Variants in ANK3 observed in about 807,000 individuals in gnomAD.
The protein encoded by ANK3 is ankyrin-3.
Under a neutral mutation model 370.9 loss-of-function variants are expected in ANK3, and 57 were observed. The observed-to-expected ratio is 0.15, with a 90% CI of 0.12 to 0.19. The LOEUF (loss-of-function observed/expected upper bound fraction) is 0.19. ANK3 is among the 10% of genes least tolerant of loss of function. The pLI, the probability that ANK3 is intolerant of heterozygous loss-of-function variation, is 1.00. For synonymous variants in ANK3, 1,929 were observed against 1,946.3 expected (o/e 0.99, Z 0.23); for missense variants, 4,439 against 5,302.1 (o/e 0.84, Z 5.06).
intron 1 of ANK3, among the ~76,000 whole-genome samples, chr10:60,382,089 G>T (rs755238705): frequency 6.6e-6 from 1 of 152,038 alleles, no homozygotes; most frequent in South Asian, 2.1e-4. Flanking sequence ...CATCTGATTG[G>T]TTCCAAGACA....
Position 60,071,485 on chromosome 10 carries a change from A to G in ANK3, c.9396T>C (p.Phe3132=). The G allele has an allele frequency of 6.2e-7, 1 of 1,613,870 alleles. No individual in the cohort carries two copies. Among genetic ancestry groups the G allele is most frequent in the Non-Finnish European group, 8.5e-7 (1 of 1,179,922 alleles). The change falls in exon 37 of 44, where the codon TTT becomes TTC. Residue 3132 remains phenylalanine, a synonymous_variant. Coordinates refer to ENST00000280772, the MANE Select transcript of ANK3 (RefSeq NM_020987.5). ...GTTGCTTTTGCTGTCTAGTTGTATA[A>G]AAGGTCCCCCTGGTTTCTTGTACTG... ...CKTVQETRGT[F]YTTRQQKQPP...
At chr10:60,467,637 T>C (rs1572842) in intron 2 of ANK3, among the ~76,000 whole-genome samples, 60,197 of 152,060 alleles carry the variant, frequency 0.4, 12,331 homozygotes, top group Non-Finnish European at 0.45. Flanking sequence ...TAAAATACAT[T>C]CTTTTTTTAT....
intron 18 of ANK3, among the ~76,000 whole-genome samples, chr10:60,179,470 G>A (rs1268433006): frequency 6.6e-6 from 1 of 152,166 alleles, no homozygotes; most frequent in African/African-American, 2.4e-5. Flanking sequence ...CAAGGCAGAT[G>A]GATCACCTGA....
chr10:60,569,260 G>A (rs945364083), intron 2 of ANK3, among the ~76,000 whole-genome samples: 4 of 152,210 alleles, frequency 2.6e-5, no homozygotes, highest in African/African-American at 7.2e-5. Flanking sequence ...TGACCACTTC[G>A]AGGTTAGGTG....
intron 2 of ANK3, among the ~76,000 whole-genome samples, chr10:60,456,636 A>G (rs1203684453): frequency 2.0e-5 from 3 of 152,106 alleles, no homozygotes; most frequent in Non-Finnish European, 4.4e-5. Context: ...AGGCACTGTG[A>G]TCATCAATAG....
chr10:60,373,880 A>G (rs774574195), intron 1 of ANK3, among the ~76,000 whole-genome samples: 13 of 152,140 alleles, frequency 8.5e-5, no homozygotes, highest in Non-Finnish European at 1.8e-4. Flanking sequence ...CCCCAGATGA[A>G]CCTGATGAAG....
intron 9 of ANK3, among the ~76,000 whole-genome samples, chr10:60,211,892 C>CAAA (rs72238553): frequency 2.2e-4 from 21 of 93,378 alleles, no homozygotes; most frequent in African/African-American, 1.0e-3. Flanking sequence ...AATACAGAGC[C>CAAA]AAAAAAAAAA....
Position 60,448,035 on chromosome 10 carries a change from C to A in ANK3, c.96+167151G>T, listed in dbSNP as rs10218894. On this transcript the variant is annotated intron_variant, in intron 2 of 43. Coordinates refer to the ANK3 transcript ENST00000373827. ...CCCTGCCAGAGGGAATCCTTTCTGA[C>A]ATCCTTTGCAAAGCCCATTCATTCA... Among the ~76,000 whole-genome samples, 412 of 152,298 alleles carry A rather than the reference C, an allele frequency of 2.7e-3. 3 individuals carry two copies. Among genetic ancestry groups the A allele is most frequent in the African/African-American group, 9.1e-3 (378 of 41,564 alleles).
chr10:60,186,919 A>G lies in ANK3; in HGVS notation c.1888-7T>C, dbSNP rs1455396612. The G allele has an allele frequency of 1.2e-6, 2 of 1,613,868 alleles. No homozygotes were observed. The highest frequency in any genetic ancestry group is 3.3e-5 in the Admixed American group (2 of 60,012). On this transcript the variant is annotated splice_polypyrimidine_tract_variant and splice_region_variant and intron_variant, in intron 16 of 43. Transcript: ENST00000280772. ...GCAGTGGCGTATAACCATTCTGTCA[A>G]CACAAATCACTTGGTCACATGCCCA...
At chr10:60,036,868 T>G (rs1321913131) in intron 43 of ANK3, among the ~76,000 whole-genome samples, 1 of 152,214 alleles carries the variant, frequency 6.6e-6, no homozygotes, top group African/African-American at 2.4e-5. Flanking sequence ...TCTTTTGTGA[T>G]GATTCCCACA....
At chr10:60,241,889 G>A (rs1315606943) in intron 7 of ANK3, among the ~76,000 whole-genome samples, 1 of 152,102 alleles carries the variant, frequency 6.6e-6, no homozygotes, top group Non-Finnish European at 1.5e-5. Flanking sequence ...AAGCATTAAT[G>A]AGACCTGGAT....
intron 1 of ANK3, among the ~76,000 whole-genome samples, chr10:60,290,398 A>G (rs1306664275): frequency 3.0e-5 from 3 of 100,932 alleles, no homozygotes; most frequent in Non-Finnish European, 4.6e-5. Flanking sequence ...TTAAGCTTTT[A>G]TTCTTTTTTT....
intron 1 of ANK3, among the ~76,000 whole-genome samples, chr10:60,671,022 A>G (rs1285172586): frequency 1.3e-5 from 2 of 152,208 alleles, no homozygotes; most frequent in Non-Finnish European, 2.9e-5. Flanking sequence ...ATAAATAAGT[A>G]AATCAATAGG....
chr10:60,415,862 T>C (rs960574728), intron 2 of ANK3, among the ~76,000 whole-genome samples: 1 of 148,664 alleles, frequency 6.7e-6, no homozygotes, highest in Non-Finnish European at 1.5e-5. Flanking sequence ...ACATATGGCA[T>C]TGGTAAAAGC....
At chr10:60,518,342 A>C (rs2076271526) in intron 2 of ANK3, among the ~76,000 whole-genome samples, 1 of 152,064 alleles carries the variant, frequency 6.6e-6, no homozygotes, top group Admixed American at 6.6e-5. Context: ...GCAGGCCTAT[A>C]CTGTTGCTGC....
At chr10:60,346,729 A>G (rs928351506) in intron 1 of ANK3, among the ~76,000 whole-genome samples, 1 of 152,104 alleles carries the variant, frequency 6.6e-6, no homozygotes, top group African/African-American at 2.4e-5. Flanking sequence ...ACAAAAGTAC[A>G]CACACAGAGT....
chr10:60,379,888 A>G (rs1328239804), intron 1 of ANK3, among the ~76,000 whole-genome samples: 1 of 152,092 alleles, frequency 6.6e-6, no homozygotes, highest in East Asian at 1.9e-4. Flanking sequence ...CAAAAAAATA[A>G]ATGTTTGAGA....
chr10:60,420,899 C>T (rs2063764474), intron 2 of ANK3, among the ~76,000 whole-genome samples: 1 of 152,094 alleles, frequency 6.6e-6, no homozygotes, highest in Non-Finnish European at 1.5e-5. Context: ...CAGATACTTA[C>T]TTGTGAAATA....
chr10:60,645,319 T>C (rs1373594552), intron 1 of ANK3, among the ~76,000 whole-genome samples: 2 of 152,220 alleles, frequency 1.3e-5, no homozygotes, highest in Non-Finnish European at 2.9e-5. Flanking sequence ...CACTTGTTAT[T>C]CTAAAAATTG....
Sources: gnomAD v4.1 joint callset for allele counts (sites outside exome capture counted in the v4.1 genomes callset) on GRCh38, gnomAD v4.1.1 for gene constraint, MANE v1.5 for transcripts, NCBI Gene and HGNC (gene_info 2026-07-23, HGNC 2026-07-21) for gene names.